The following SH3PXD2A variants were observed in gnomAD, a reference collection of about 807,000 sequenced individuals.
The protein encoded by SH3PXD2A is SH3 and PX domain-containing protein 2A.
SH3PXD2A carries 32 observed loss-of-function variants against 115.2 expected under a neutral mutation model. That is an observed-to-expected ratio of 0.28 (90% CI 0.21 to 0.37). The LOEUF (loss-of-function observed/expected upper bound fraction) is 0.37. Among genes scored for constraint, SH3PXD2A ranks in the 10% least tolerant of loss-of-function variants. The probability of loss-of-function intolerance (pLI) is 1.00; values close to 1 mark genes in which losing one functional copy is unlikely to be tolerated. For missense variants in SH3PXD2A, 1,328 were observed against 1,498.7 expected (o/e 0.89, Z 1.88); for synonymous variants, 610 against 629.1 (o/e 0.97, Z 0.45).
intron 1 of SH3PXD2A, among the ~76,000 whole-genome samples, chr10:103,817,879 G>A (rs2039339986): frequency 1.3e-5 from 2 of 152,314 alleles, no homozygotes. Context: ...CATATATAGG[G>A]AGAAAGTAGA....
At chr10:103,629,279 G>A (rs1231087441) in intron 8 of SH3PXD2A, among the ~76,000 whole-genome samples, 1 of 152,218 alleles carries the variant, frequency 6.6e-6, no homozygotes, top group Non-Finnish European at 1.5e-5. Flanking sequence ...GGCAGGTGCT[G>A]GAACCCACTA....
chr10:103,739,726 C>T (rs1344198947), intron 3 of SH3PXD2A, among the ~76,000 whole-genome samples: 2 of 152,160 alleles, frequency 1.3e-5, no homozygotes, highest in Non-Finnish European at 2.9e-5. Flanking sequence ...TGATGAGCAT[C>T]GCAAGGAAGA....
chr10:103,852,588 C>T (rs1842906482), intron 1 of SH3PXD2A, among the ~76,000 whole-genome samples: 1 of 152,182 alleles, frequency 6.6e-6, no homozygotes, highest in Non-Finnish European at 1.5e-5. Context: ...ATGGGTGCAG[C>T]ACGTCCTGCC....
At chr10:103,717,688 C>T (rs958386147) in intron 5 of SH3PXD2A, among the ~76,000 whole-genome samples, 1 of 152,224 alleles carries the variant, frequency 6.6e-6, no homozygotes, top group Admixed American at 6.5e-5. Flanking sequence ...CTTATTTCCA[C>T]TGGATGAGAA....
chr10:103,628,061 C>T (rs780012701), intron 8 of SH3PXD2A, among the ~76,000 whole-genome samples: 3 of 152,222 alleles, frequency 2.0e-5, no homozygotes, highest in Admixed American at 6.5e-5. Context: ...CCATCCACCG[C>T]GGCAAGTGGC....
intron 2 of SH3PXD2A, among the ~76,000 whole-genome samples, chr10:103,780,205 C>T (rs1265164195): frequency 1.3e-5 from 2 of 152,228 alleles, no homozygotes; most frequent in African/African-American, 4.8e-5. Flanking sequence ...AGAGCAGGCC[C>T]CCAGTGTGCA....
intron 1 of SH3PXD2A, among the ~76,000 whole-genome samples, chr10:103,846,394 A>G (rs1430575155): frequency 6.6e-6 from 1 of 152,224 alleles, no homozygotes; most frequent in African/African-American, 2.4e-5. Context: ...GCCGTTTTCT[A>G]GAAGAGATCT....
chr10:103,639,522 A>G (rs1247418940), intron 8 of SH3PXD2A, among the ~76,000 whole-genome samples: 2 of 151,792 alleles, frequency 1.3e-5, no homozygotes, highest in African/African-American at 4.8e-5. Flanking sequence ...AGGCAGGAGA[A>G]TCGCTTGAAC....
chr10:103,811,523 C>T (rs754393806), intron 1 of SH3PXD2A, among the ~76,000 whole-genome samples: 19 of 152,144 alleles, frequency 1.2e-4, no homozygotes, highest in Non-Finnish European at 2.5e-4. Flanking sequence ...CTGGTCTACC[C>T]GAGGTCATCA....
At chr10:103,804,808 A>C (rs1324505447) in intron 1 of SH3PXD2A, among the ~76,000 whole-genome samples, 4 of 152,092 alleles carry the variant, frequency 2.6e-5, no homozygotes, top group Non-Finnish European at 5.9e-5. Flanking sequence ...AAACCGACTG[A>C]CGGTGAGGAC....
At chr10:103,732,134 C>G (rs564450263) in intron 4 of SH3PXD2A, among the ~76,000 whole-genome samples, 4 of 152,212 alleles carry the variant, frequency 2.6e-5, no homozygotes, top group Non-Finnish European at 5.9e-5. Flanking sequence ...TTCTCAAACA[C>G]TCTCTCACAC....
chr10:103,711,568 G>A (rs1322962137), intron 5 of SH3PXD2A, among the ~76,000 whole-genome samples: 7 of 152,152 alleles, frequency 4.6e-5, no homozygotes, highest in South Asian at 2.1e-4. Context: ...GGCAGACCTC[G>A]TCCCCGGGCT....
chr10:103,659,744 G>C (rs530679336), intron 8 of SH3PXD2A, among the ~76,000 whole-genome samples: 1 of 152,022 alleles, frequency 6.6e-6, no homozygotes, highest in South Asian at 2.1e-4. Flanking sequence ...CAGGCACTTC[G>C]AAGACCTCAG....
intron 13 of SH3PXD2A, 88 bp from the exon 14 acceptor site, chr10:103,606,005 G>A (rs561297590): frequency 3.5e-6 from 5 of 1,418,564 alleles, no homozygotes; most frequent in Non-Finnish European, 3.9e-6. Flanking sequence ...AGTCCCCAGG[G>A]GGTGCGGATG....
At chr10:103,800,200 ACT>A (rs2039134098) in intron 2 of SH3PXD2A, among the ~76,000 whole-genome samples, 1 of 152,014 alleles carries the variant, frequency 6.6e-6, no homozygotes, top group South Asian at 2.1e-4. Context: ...CTCAACTCAC[ACT>A]GATTCTCCCT....
At chr10:103,821,184 C>A (rs2039376144) in intron 1 of SH3PXD2A, among the ~76,000 whole-genome samples, 1 of 150,596 alleles carries the variant, frequency 6.6e-6, no homozygotes, top group Non-Finnish European at 1.5e-5. Flanking sequence ...GCTCTGTCAC[C>A]CAGGCTGGAG....
intron 11 of SH3PXD2A, among the ~76,000 whole-genome samples, chr10:103,614,689 C>T (rs370896375): frequency 4.6e-5 from 7 of 152,294 alleles, no homozygotes; most frequent in African/African-American, 1.4e-4. Flanking sequence ...TGCAATGTCC[C>T]CATCTGCTCC....
chr10:103,729,188 T>A (rs1379416440), intron 4 of SH3PXD2A, among the ~76,000 whole-genome samples: 1 of 152,134 alleles, frequency 6.6e-6, no homozygotes, highest in Non-Finnish European at 1.5e-5. Context: ...GCATGAGCCA[T>A]GGCGTCCGGC....
intron 2 of SH3PXD2A, among the ~76,000 whole-genome samples, chr10:103,788,150 A>C (rs891007169): frequency 2.3e-4 from 35 of 152,124 alleles, no homozygotes; most frequent in Non-Finnish European, 5.1e-4. Flanking sequence ...TCTCATAATA[A>C]TAATGCTTCA....
Sources: allele counts gnomAD v4.1 joint callset (sites outside exome capture counted in the v4.1 genomes callset), GRCh38; gene constraint gnomAD v4.1.1; transcripts MANE v1.5; gene names NCBI Gene and HGNC (gene_info 2026-07-23, HGNC 2026-07-21).